LYN: variants seen among roughly 807,000 people sequenced by gnomAD.
The protein encoded by LYN is tyrosine-protein kinase Lyn.
Under a neutral mutation model 65.0 loss-of-function variants are expected in LYN, and 12 were observed. The observed-to-expected ratio is 0.18, with a 90% CI of 0.12 to 0.30. LYN has a LOEUF of 0.30. Ranked by LOEUF, LYN falls within the 10% of genes least tolerant of loss-of-function variation. The pLI, the probability that LYN is intolerant of heterozygous loss-of-function variation, is 1.00. For synonymous variants in LYN, 222 were observed against 221.2 expected (o/e 1.00, Z -0.03); for missense variants, 380 against 623.2 (o/e 0.61, Z 4.16).
chr8:55,941,243 C>T (rs1806602297), intron 1 of LYN, among the ~76,000 whole-genome samples: 2 of 152,168 alleles, frequency 1.3e-5, no homozygotes, highest in South Asian at 4.1e-4. Flanking sequence ...AAATCAACCA[C>T]TCAGCTTCAC....
rs528217436 is a variant in LYN, at chr8:56,003,262, C to T, written c.1336+3713C>T. Among the ~76,000 whole-genome samples, 10 of 152,080 alleles carry T rather than the reference C, an allele frequency of 6.6e-5. 1 individual carries two copies. Among genetic ancestry groups the T allele is most frequent in the African/African-American group, 1.7e-4 (7 of 41,516 alleles). Reference sequence around the variant, plus strand: ...ATTTTTACTAGAGACAGGGTTTTGCCGTGTTAGCCAGAATGGTCTCGATCT... The same window carrying T: ...ATTTTTACTAGAGACAGGGTTTTGCTGTGTTAGCCAGAATGGTCTCGATCT... On this transcript the variant is annotated intron_variant, in intron 12 of 12. Coordinates refer to ENST00000519728, the MANE Select transcript of LYN (RefSeq NM_002350.4).
At chr8:55,979,734 G>A (rs1265661151) in intron 10 of LYN, among the ~76,000 whole-genome samples, 7 of 152,254 alleles carry the variant, frequency 4.6e-5, no homozygotes, top group South Asian at 2.1e-4. Flanking sequence ...CTGATTCAGC[G>A]TCACCCCAGG....
chr8:55,994,259 T>C (rs1808316712), intron 10 of LYN, among the ~76,000 whole-genome samples: 1 of 152,214 alleles, frequency 6.6e-6, no homozygotes, highest in African/African-American at 2.4e-5. Flanking sequence ...AAGCAAGTCA[T>C]ATCTGAGAGC....
chr8:55,917,583 CAG>C (rs973178402), intron 1 of LYN, among the ~76,000 whole-genome samples: 7 of 152,142 alleles, frequency 4.6e-5, no homozygotes, highest in Non-Finnish European at 8.8e-5. Context: ...TGAACTGTGA[CAG>C]GGGCTAGCAA....
chr8:55,996,352 G>T (rs1028988961), intron 10 of LYN, among the ~76,000 whole-genome samples: 2 of 152,200 alleles, frequency 1.3e-5, no homozygotes, highest in African/African-American at 4.8e-5. Context: ...GGAACTGGCG[G>T]CCTGAAGTGC....
Position 55,946,492 on chromosome 8 carries a change from A to T in LYN, c.177A>T (p.Lys59Asn), listed in dbSNP as rs1563523229. Reference protein sequence around the residue: ...QLLPGQRFQTKDPEEQGDIVV... With the variant: ...QLLPGQRFQTNDPEEQGDIVV... Reference sequence around the variant, plus strand: ...TACCTGGACAGAGGTTTCAAACTAAAGGTATGTTTTCATAGCAACATAGTT... The same window carrying T: ...TACCTGGACAGAGGTTTCAAACTAATGGTATGTTTTCATAGCAACATAGTT... The change falls in exon 3 of 13, where the codon AAA (lysine) becomes AAT (asparagine). Residue 59 changes from lysine to asparagine, a missense_variant and splice_region_variant. By Grantham distance (94) the Lys-to-Asn change is moderately conservative. Transcript: ENST00000519728. 6.2e-7 allele frequency: 1 copy of T among 1,603,536 alleles called. No homozygotes were observed. Among genetic ancestry groups the T allele is most frequent in the Non-Finnish European group, 8.5e-7 (1 of 1,171,860 alleles).
At chr8:55,899,633 CCTTTT>C (rs752726842) in intron 1 of LYN, among the ~76,000 whole-genome samples, 11 of 152,130 alleles carry the variant, frequency 7.2e-5, no homozygotes, top group East Asian at 3.9e-4. Context: ...AGTTATCATC[CCTTTT>C]CTTTTCTTTT....
At chr8:55,897,787 C>A (rs560342636) in intron 1 of LYN, among the ~76,000 whole-genome samples, 2 of 152,098 alleles carry the variant, frequency 1.3e-5, no homozygotes, top group East Asian at 3.9e-4. Context: ...GTGGCATGGG[C>A]CTGTATTCCC....
At chr8:55,906,637 G>A (rs1468561680) in intron 1 of LYN, among the ~76,000 whole-genome samples, 3 of 151,898 alleles carry the variant, frequency 2.0e-5, no homozygotes, top group Non-Finnish European at 2.9e-5. Flanking sequence ...GATTACAGGC[G>A]TGAGCCATCA....
At chr8:55,908,543 G>T in intron 1 of LYN, among the ~76,000 whole-genome samples, 1 of 152,038 alleles carries the variant, frequency 6.6e-6, no homozygotes, top group East Asian at 1.9e-4. Flanking sequence ...CCGTGCCAAG[G>T]CTGTTTAAAC....
rs1278923351 is a variant in LYN, at chr8:55,949,062, C to T, written c.284+1339C>T. On this transcript the variant is annotated intron_variant, in intron 4 of 12. Coordinates refer to ENST00000519728, the MANE Select transcript of LYN (RefSeq NM_002350.4). The stretch of plus-strand genomic sequence containing the variant: ...CTTCTTCCAGTGCTCATCCCTGCCT[C>T]CTCCCTGGCTCCATGCCTGCCTTTC... 3.2e-4 allele frequency among the ~76,000 whole-genome samples: 48 copies of T among 152,186 alleles called. 1 individual carries two copies. The highest frequency in any genetic ancestry group is 3.1e-3 in the Admixed American group (48 of 15,282).
intron 1 of LYN, among the ~76,000 whole-genome samples, chr8:55,893,053 G>C (rs1198818622): frequency 3.3e-5 from 5 of 152,044 alleles, no homozygotes; most frequent in African/African-American, 1.2e-4. Flanking sequence ...CATTTGGTTT[G>C]GCAAATAAAC....
At chr8:56,007,176 G>T (rs1452365339) in intron 12 of LYN, among the ~76,000 whole-genome samples, 2 of 152,234 alleles carry the variant, frequency 1.3e-5, no homozygotes, top group African/African-American at 4.8e-5. Context: ...GGAAGTGAAA[G>T]AGATATTCCA....
chr8:55,967,559 G>A (rs772277814), intron 9 of LYN, among the ~76,000 whole-genome samples: 13 of 152,004 alleles, frequency 8.6e-5, no homozygotes, highest in Admixed American at 7.2e-4. Context: ...CAGGCAATCT[G>A]CCTGCCTCAG....
intron 8 of LYN, 116 bp from the exon 9 acceptor site, chr8:55,966,599 A>C (rs1807466328): frequency 1.3e-6 from 1 of 772,376 alleles, no homozygotes; most frequent in Non-Finnish European, 2.0e-6. Context: ...AACTCCTGAC[A>C]TCAGGTGACC....
At position 56,012,208 on chromosome 8, in the gene LYN, ACTTAGCTATAGGTTTC is replaced by A. The variant is rs936743200; in HGVS notation, c.*2100_*2115del. 1.6e-5 allele frequency: 3 copies of A among 182,354 alleles called. No individual in the cohort carries two copies. Among genetic ancestry groups the A allele is most frequent in the African/African-American group, 7.1e-5 (3 of 42,368 alleles). The allele number at this position is 182,354 out of a possible 1,614,324, so 11.3% of individuals were successfully genotyped here. On this transcript the variant is annotated 3_prime_UTR_variant, in exon 13 of 13. Coordinates refer to ENST00000519728, the MANE Select transcript of LYN (RefSeq NM_002350.4). ...GATGAACAGCACACACAGTCTCCTT[ACTTAGCTATAGGTTTC>A]CAGCCTCCCTGTGACAGACAGGCAT...
chr8:55,949,819 G>A (rs556322753), intron 4 of LYN, among the ~76,000 whole-genome samples: 1 of 152,170 alleles, frequency 6.6e-6, no homozygotes, highest in African/African-American at 2.4e-5. Flanking sequence ...ACAATTCAGT[G>A]ATTTTTTTAG....
intron 3 of LYN, 92 bp from the exon 4 acceptor site, chr8:55,947,526 A>T: frequency 2.3e-6 from 2 of 875,594 alleles, no homozygotes; most frequent in Non-Finnish European, 3.8e-6. Context: ...GCCCCCTCTT[A>T]GTGCTTCCTC....
At chr8:55,983,276 CTCTT>C (rs1807979240) in intron 10 of LYN, among the ~76,000 whole-genome samples, 1 of 152,216 alleles carries the variant, frequency 6.6e-6, no homozygotes, top group African/African-American at 2.4e-5. Context: ...TCCCTGCTGT[CTCTT>C]TCCCTGAGAC....
Sources: allele counts gnomAD v4.1 joint callset (sites outside exome capture counted in the v4.1 genomes callset), GRCh38; gene constraint gnomAD v4.1.1; transcripts MANE v1.5; gene names NCBI Gene and HGNC (gene_info 2026-07-23, HGNC 2026-07-21).